The following RRP15 variants were observed in gnomAD, a reference collection of about 807,000 sequenced individuals.
RRP15 encodes the protein ribosomal RNA processing 15 homolog.
Under a neutral mutation model 27.1 loss-of-function variants are expected in RRP15, and 18 were observed. The ratio of observed to expected loss-of-function variants is 0.66; its 90% CI spans 0.46 to 0.98. RRP15 has a LOEUF of 0.98. Among genes scored for constraint, RRP15 ranks in the 50% least tolerant of loss-of-function variants. RRP15 has a pLI of 0.00. For synonymous variants in RRP15, 107 were observed against 109.4 expected (o/e 0.98, Z 0.14); for missense variants, 359 against 337.8 (o/e 1.06, Z -0.49).
At chr1:218,306,307 T>C (rs1198316354) in intron 3 of RRP15, among the ~76,000 whole-genome samples, 1 of 152,154 alleles carries the variant, frequency 6.6e-6, no homozygotes, top group African/African-American at 2.4e-5. Flanking sequence ...GGAGTGCAGG[T>C]GTCCTAGATG....
At chr1:218,324,139 C>T (rs1017131135) in intron 4 of RRP15, among the ~76,000 whole-genome samples, 1 of 152,156 alleles carries the variant, frequency 6.6e-6, no homozygotes, top group East Asian at 1.9e-4. Context: ...CTGTGCTGCT[C>T]CTTTGCTGGC....
At chr1:218,329,958 T>C (rs1656340710) in intron 4 of RRP15, among the ~76,000 whole-genome samples, 1 of 152,128 alleles carries the variant, frequency 6.6e-6, no homozygotes, top group Non-Finnish European at 1.5e-5. Flanking sequence ...TAAACTGTTT[T>C]TATGTAGTTA....
intron 1 of RRP15, among the ~76,000 whole-genome samples, chr1:218,298,766 G>A (rs1280845407): frequency 1.3e-5 from 2 of 152,156 alleles, no homozygotes; most frequent in Non-Finnish European, 2.9e-5. Context: ...CTTCAGTTGT[G>A]CTAGCCACAT....
intron 4 of RRP15, among the ~76,000 whole-genome samples, chr1:218,317,747 T>A (rs1017219958): frequency 2.5e-5 from 3 of 121,662 alleles, no homozygotes; most frequent in East Asian, 2.4e-4. Context: ...TTTTTTTTTT[T>A]AATTTAAAGA....
chr1:218,323,708 G>A (rs76290249), intron 4 of RRP15, among the ~76,000 whole-genome samples: 44 of 152,280 alleles, frequency 2.9e-4, no homozygotes, highest in Admixed American at 1.3e-3. Flanking sequence ...GCTGCCCTTA[G>A]CCCCACCTCG....
intron 2 of RRP15, 119 bp from the exon 3 acceptor site, chr1:218,304,900 TAAAAGCCCC>T: frequency 1.2e-6 from 1 of 823,104 alleles, no homozygotes. Flanking sequence ...TGTGTTTTTT[TAAAAGCCCC>T]TGACAAACTA....
intron 1 of RRP15, among the ~76,000 whole-genome samples, chr1:218,295,246 CAG>C (rs1192482543): frequency 6.6e-6 from 1 of 152,068 alleles, no homozygotes; most frequent in African/African-American, 2.4e-5. Context: ...TTGAGCTACT[CAG>C]ATTTATGGAA....
At chr1:218,316,387 G>C (rs1034876065) in intron 4 of RRP15, among the ~76,000 whole-genome samples, 1 of 152,068 alleles carries the variant, frequency 6.6e-6, no homozygotes, top group African/African-American at 2.4e-5. Flanking sequence ...CTATGCATTT[G>C]ACTTTTAAAA....
At chr1:218,310,214 A>G (rs1224106752) in intron 4 of RRP15, among the ~76,000 whole-genome samples, 2 of 152,356 alleles carry the variant, frequency 1.3e-5, no homozygotes, top group East Asian at 3.9e-4. Context: ...TCATCATAAA[A>G]TGGAACAAAA....
intron 4 of RRP15, among the ~76,000 whole-genome samples, chr1:218,324,944 T>G (rs773716543): frequency 6.6e-6 from 1 of 152,184 alleles, no homozygotes; most frequent in Non-Finnish European, 1.5e-5. Context: ...GAGATATTCT[T>G]TCCTAGAGGC....
At chr1:218,302,655 T>A in intron 2 of RRP15, 96 bp downstream of exon 2, 1 of 1,509,100 alleles carries the variant, frequency 6.6e-7, no homozygotes, top group South Asian at 1.4e-5. Context: ...CCAATTAACG[T>A]TCCAGTTTTT....
At position 218,286,183 on chromosome 1, in the gene RRP15, T is replaced by A. The variant is rs572207253; in HGVS notation, c.139+728T>A. On this transcript the variant is annotated intron_variant, in intron 1 of 4. Transcript: ENST00000366932. The stretch of plus-strand genomic sequence containing the variant: ...CAGAGCTATTCTTTTATAACGTATT[T>A]CTAATTATGCCCGCTGTCTGTTTGA... Among the ~76,000 whole-genome samples, 40 of 152,294 alleles carry A rather than the reference T, an allele frequency of 2.6e-4. No homozygotes were observed. The South Asian group carries it at 8.3e-3, about 32-fold the overall frequency.
Position 218,302,567 on chromosome 1 carries a change from C to T in RRP15, c.405+8C>T, listed in dbSNP as rs1230610049. 6.2e-7 allele frequency: 1 copy of T among 1,608,686 alleles called. No individual in the cohort carries two copies. Among genetic ancestry groups the T allele is most frequent in the African/African-American group, 1.3e-5 (1 of 74,514 alleles). On this transcript the variant is annotated splice_region_variant and intron_variant, in intron 2 of 4. Coordinates refer to ENST00000366932, the MANE Select transcript of RRP15 (RefSeq NM_016052.4). ...CTAGAGAAAATAAAACAGGTATGTT[C>T]CACCAGTTCTCTTGTAGATTAGATT...
intron 1 of RRP15, among the ~76,000 whole-genome samples, chr1:218,287,076 G>A (rs1655559575): frequency 6.8e-6 from 1 of 146,038 alleles, no homozygotes; most frequent in South Asian, 2.2e-4. Context: ...CGATCCTCTT[G>A]CTTCAGCTTC....
At chr1:218,308,006 A>ATGACCTT (rs1398434451) in intron 4 of RRP15, among the ~76,000 whole-genome samples, 1 of 143,778 alleles carries the variant, frequency 7.0e-6, no homozygotes, top group Admixed American at 6.9e-5. Context: ...AATACTTTCT[A>ATGACCTT]TGACCTTTGG....
chr1:218,296,843 G>A (rs1655725086), intron 1 of RRP15, among the ~76,000 whole-genome samples: 1 of 151,778 alleles, frequency 6.6e-6, no homozygotes, highest in South Asian at 2.1e-4. Context: ...ATGATTCCCT[G>A]GCATACGAGT....
At chr1:218,321,170 C>T (rs1656182105) in intron 4 of RRP15, among the ~76,000 whole-genome samples, 2 of 152,186 alleles carry the variant, frequency 1.3e-5, no homozygotes, top group African/African-American at 4.8e-5. Flanking sequence ...GGGTTGTCTT[C>T]ACCTTCAAAA....
At chr1:218,292,852 C>G (rs1300379265) in intron 1 of RRP15, among the ~76,000 whole-genome samples, 1 of 152,168 alleles carries the variant, frequency 6.6e-6, no homozygotes, top group Non-Finnish European at 1.5e-5. Context: ...TTATGGTACT[C>G]TATTGGCATA....
intron 4 of RRP15, among the ~76,000 whole-genome samples, chr1:218,311,135 G>T (rs759837986): frequency 6.6e-6 from 1 of 152,108 alleles, no homozygotes; most frequent in Non-Finnish European, 1.5e-5. Flanking sequence ...TGAATTTATG[G>T]TTAAATAAAA....
Sources: gnomAD v4.1 joint callset for allele counts (sites outside exome capture counted in the v4.1 genomes callset) on GRCh38, gnomAD v4.1.1 for gene constraint, MANE v1.5 for transcripts, NCBI Gene and HGNC (gene_info 2026-07-23, HGNC 2026-07-21) for gene names.